PTPRD: variants seen among roughly 807,000 people sequenced by gnomAD.
PTPRD encodes the protein receptor-type tyrosine-protein phosphatase delta.
Under a neutral mutation model 214.5 loss-of-function variants are expected in PTPRD, and 34 were observed. The ratio of observed to expected loss-of-function variants is 0.16; its 90% CI spans 0.12 to 0.21. PTPRD has a LOEUF of 0.21. Among genes scored for constraint, PTPRD ranks in the 10% least tolerant of loss-of-function variants. PTPRD has a pLI of 1.00. For synonymous variants in PTPRD, 1,128 were observed against 845.7 expected, an observed-to-expected ratio of 1.33 and a Z score of -5.79; for missense variants, 2,545 against 2,398.7, an observed-to-expected ratio of 1.06 and a Z score of -1.27.
At chr9:9,372,555 G>T (rs1219065750) in intron 9 of PTPRD, among the ~76,000 whole-genome samples, 2 of 152,062 alleles carry the variant, frequency 1.3e-5, no homozygotes, top group African/African-American at 2.4e-5. Flanking sequence ...GATGGGTCTT[G>T]ACTCTTTATC....
intron 14 of PTPRD, among the ~76,000 whole-genome samples, chr9:8,595,779 T>C (rs1356876433): frequency 6.6e-6 from 1 of 152,216 alleles, no homozygotes; most frequent in Non-Finnish European, 1.5e-5. Flanking sequence ...ACTGAGCTTA[T>C]AGCCTAATTA....
At chr9:9,316,642 C>A (rs1184044308) in intron 9 of PTPRD, among the ~76,000 whole-genome samples, 1 of 152,044 alleles carries the variant, frequency 6.6e-6, no homozygotes, top group Admixed American at 6.6e-5. Context: ...TCAACTATGC[C>A]ACTTTTCTTC....
chr9:8,343,598 C>G (rs1854627220), intron 39 of PTPRD, among the ~76,000 whole-genome samples: 1 of 152,010 alleles, frequency 6.6e-6, no homozygotes, highest in African/African-American at 2.4e-5. Context: ...TTCCTACCCT[C>G]CCAGGTGGTT....
At chr9:8,965,910 T>TG (rs2099191137) in intron 11 of PTPRD, among the ~76,000 whole-genome samples, 2 of 152,120 alleles carry the variant, frequency 1.3e-5, no homozygotes, top group African/African-American at 4.8e-5. Context: ...GACAAAAGAC[T>TG]ATGAGAACTG....
At chr9:8,351,621 T>G (rs1319084825) in intron 39 of PTPRD, among the ~76,000 whole-genome samples, 1 of 151,836 alleles carries the variant, frequency 6.6e-6, no homozygotes, top group Non-Finnish European at 1.5e-5. Flanking sequence ...CTGGGTGATG[T>G]TGGCAGCTCC....
chr9:9,376,012 T>C (rs904864990), intron 9 of PTPRD, among the ~76,000 whole-genome samples: 2 of 152,156 alleles, frequency 1.3e-5, no homozygotes, highest in African/African-American at 2.4e-5. Flanking sequence ...ATTCTCCTTG[T>C]AAAGAAGGTA....
intron 10 of PTPRD, among the ~76,000 whole-genome samples, chr9:9,176,236 T>C (rs1022611610): frequency 6.6e-6 from 1 of 152,208 alleles, no homozygotes; most frequent in African/African-American, 2.4e-5. Context: ...TTGAATGTGA[T>C]TGAATTAATT....
chr9:9,885,121 A>G (rs2070352530), intron 5 of PTPRD, among the ~76,000 whole-genome samples: 1 of 152,124 alleles, frequency 6.6e-6, no homozygotes, highest in Non-Finnish European at 1.5e-5. Context: ...GATAGAGCTA[A>G]GTAGATTACC....
intron 5 of PTPRD, among the ~76,000 whole-genome samples, chr9:9,787,791 T>TTATTA (rs1483549455): frequency 6.6e-6 from 1 of 151,428 alleles, no homozygotes; most frequent in Non-Finnish European, 1.5e-5. Flanking sequence ...ATTATTATTA[T>TTATTA]TATTATTTGA....
At chr9:8,853,118 C>G (rs2097850607) in intron 11 of PTPRD, among the ~76,000 whole-genome samples, 1 of 152,140 alleles carries the variant, frequency 6.6e-6, no homozygotes, top group African/African-American at 2.4e-5. Flanking sequence ...AAATGAGAGA[C>G]ACAGGTCTTC....
At chr9:9,738,439 C>CTTTTTTTTTTTTTTTT (rs71319292) in intron 6 of PTPRD, among the ~76,000 whole-genome samples, 3 of 76,510 alleles carry the variant, frequency 3.9e-5, no homozygotes, top group African/African-American at 1.3e-4. Context: ...CACTCACTCA[C>CTTTTTTTTTTTTTTTT]TTTTTTTTTT....
intron 11 of PTPRD, among the ~76,000 whole-genome samples, chr9:8,756,065 T>G (rs56052642): frequency 0.1 from 15,512 of 152,198 alleles, 1,807 homozygotes; most frequent in African/African-American, 0.28. Context: ...ATAATGAAAC[T>G]TGAAGAAAGA....
At chr9:10,424,931 T>C (rs887763915) in intron 2 of PTPRD, among the ~76,000 whole-genome samples, 8 of 152,018 alleles carry the variant, frequency 5.3e-5, no homozygotes, top group African/African-American at 1.9e-4. Context: ...TCCAAAATAG[T>C]AGGAATTCAT....
At chr9:10,231,712 C>G (rs2099610592) in intron 3 of PTPRD, among the ~76,000 whole-genome samples, 2 of 151,864 alleles carry the variant, frequency 1.3e-5, no homozygotes, top group Non-Finnish European at 1.5e-5. Context: ...CATTTATTAA[C>G]TTTGTGATAA....
Position 8,640,966 on chromosome 9 carries a change from G to C in PTPRD, c.65-4122C>G, listed in dbSNP as rs376603702. Among the ~76,000 whole-genome samples the C allele has an allele frequency of 6.9e-5, 10 of 144,952 alleles. 1 individual carries two copies. In the East Asian group the frequency reaches 9.8e-4, roughly 14 times the overall value. On this transcript the variant is annotated intron_variant, in intron 12 of 45. Transcript: ENST00000381196. ...AGGCAGCCAGCCAAAGGAAAGATAT[G>C]AGGTAGAGAGAAGACTAAACTTAAT...
At chr9:9,602,050 G>A (rs1293176770) in intron 7 of PTPRD, among the ~76,000 whole-genome samples, 1 of 152,010 alleles carries the variant, frequency 6.6e-6, no homozygotes, top group African/African-American at 2.4e-5. Flanking sequence ...TGATCTACTG[G>A]TTTCATCAGA....
At chr9:10,450,100 CTG>C (rs1036957994) in intron 2 of PTPRD, among the ~76,000 whole-genome samples, 3 of 151,734 alleles carry the variant, frequency 2.0e-5, no homozygotes, top group Admixed American at 6.6e-5. Flanking sequence ...GACACAAACA[CTG>C]CGGAAGGCCG....
chr9:10,605,397 A>G (rs557824360), intron 2 of PTPRD, among the ~76,000 whole-genome samples: 1 of 151,880 alleles, frequency 6.6e-6, no homozygotes, highest in East Asian at 1.9e-4. Flanking sequence ...GTGTTTTTAT[A>G]TTGTGTCAAT....
chr9:9,552,846 A>AC (rs2080645648), intron 8 of PTPRD, among the ~76,000 whole-genome samples: 1 of 152,048 alleles, frequency 6.6e-6, no homozygotes. Flanking sequence ...CTGACAGTAA[A>AC]CCAGTGGCAG....
Sources: allele counts gnomAD v4.1 joint callset (sites outside exome capture counted in the v4.1 genomes callset), GRCh38; gene constraint gnomAD v4.1.1; transcripts MANE v1.5; gene names NCBI Gene and HGNC (gene_info 2026-07-23, HGNC 2026-07-21).